The following TECPR1 variants were observed in gnomAD, a reference collection of about 807,000 sequenced individuals.
TECPR1 encodes the protein tectonin beta-propeller repeat-containing protein 1.
In TECPR1, 122 loss-of-function variants were observed where a neutral mutation model predicts 162.4. The ratio of observed to expected loss-of-function variants is 0.75; its 90% confidence interval spans 0.65 to 0.87. The LOEUF (loss-of-function observed/expected upper bound fraction) is 0.87. Ranked by LOEUF, TECPR1 falls within the 40% of genes least tolerant of loss-of-function variation. The pLI, the probability that TECPR1 is intolerant of heterozygous loss-of-function variation, is 0.00. For missense variants in TECPR1, 1,432 were observed against 1,618.2 expected (o/e 0.88, Z 1.97); for synonymous variants, 642 against 670.6 (o/e 0.96, Z 0.66).
chr7:98,245,919 T>C lies in TECPR1; in HGVS notation c.225+3A>G, dbSNP rs748069436. The C allele has an allele frequency of 6.3e-7, 1 of 1,592,336 alleles. No homozygotes were observed. The highest frequency in any genetic ancestry group is 1.1e-5 in the South Asian group (1 of 87,536). On this transcript the variant is annotated splice_donor_region_variant and intron_variant, in intron 3 of 25. Coordinates refer to ENST00000447648, the MANE Select transcript of TECPR1 (RefSeq NM_015395.3). ...CGGCAACTCCAACCATGAGGGTCAC[T>C]ACCTGATTCTCATAGGCCTCCTCTC...
At chr7:98,240,630 G>A (rs1798719132) in intron 8 of TECPR1, among the ~76,000 whole-genome samples, 1 of 152,080 alleles carries the variant, frequency 6.6e-6, no homozygotes, top group Non-Finnish European at 1.5e-5. Context: ...GGCCAGGCTG[G>A]TCTTGAACTC....
chr7:98,233,748 C>A lies in TECPR1; in HGVS notation c.1345G>T (p.Gly449Trp). The A allele has an allele frequency of 1.9e-6, 3 of 1,612,754 alleles. No individual in the cohort carries two copies. The highest frequency in any genetic ancestry group is 2.5e-6 in the Non-Finnish European group (3 of 1,179,826). The change falls in exon 11 of 26, where the codon GGG becomes TGG. Residue 449 changes from glycine (G) to tryptophan (W), a missense_variant. Coordinates refer to ENST00000447648, the MANE Select transcript of TECPR1 (RefSeq NM_015395.3). ...GTATCTTCTGCGGTCCTGCCAGCCC[C>A]CAGGCCTGAGGCTGAGTTCCCTGTG... ...NATGNSASGL[G>W]AGRTAEDTVE...
chr7:98,228,784 G>A, intron 16 of TECPR1: 1 of 444,270 alleles, frequency 2.3e-6, no homozygotes, highest in East Asian at 3.5e-5. Context: ...CTAACACCCT[G>A]AAAATGAGAG....
Position 98,228,084 on chromosome 7 carries a change from G to C in TECPR1, c.2443C>G (p.Gln815Glu). The C allele has an allele frequency of 6.2e-7, 1 of 1,612,674 alleles. No individual in the cohort carries two copies. The stretch of plus-strand genomic sequence containing the variant: ...ATGTGAACACACTTCACGTCTGACT[G>C]CGTGTAGATGTTACTGGTGCTGCTG... ...LASSTSNIYTQSDVKCVHIYE... is the reference protein window; with the variant it reads ...LASSTSNIYTESDVKCVHIYE... Residue 815 changes from glutamine to glutamate, a missense_variant, in exon 17 of 26, where the codon CAG becomes GAG. Gln to Glu is a conservative substitution (Grantham distance 29, BLOSUM62 2). Transcript: ENST00000447648.
At chr7:98,251,813 C>T (rs1235686873) in intron 1 of TECPR1, 1 of 152,288 alleles carries the variant, frequency 6.6e-6, no homozygotes, top group African/African-American at 2.4e-5. Context: ...TAGGCAGGCC[C>T]CTTGCTGCGT....
intron 17 of TECPR1, chr7:98,226,555 G>A: frequency 1.9e-6 from 2 of 1,041,560 alleles, no homozygotes; most frequent in African/African-American, 3.4e-5. Context: ...TGCAGTTGCT[G>A]TCTTTGGCTG....
Position 98,222,191 on chromosome 7 carries a change from A to G in TECPR1, c.3064+195T>C, listed in dbSNP as rs528638123. Among the ~76,000 whole-genome samples the G allele has an allele frequency of 5.0e-4, 76 of 152,260 alleles. 1 individual carries two copies. The highest frequency in any genetic ancestry group is 1.8e-3 in the African/African-American group (73 of 41,564). On this transcript the variant is annotated intron_variant, in intron 22 of 25. Transcript: ENST00000447648. ...CCGAGACACAGGGGCCACCCCAGGAAGGGCCAGGCAGGCCTGGCTCCAGCT... is the reference window on the plus strand; with the variant it reads ...CCGAGACACAGGGGCCACCCCAGGAGGGGCCAGGCAGGCCTGGCTCCAGCT...
rs1798326396 is a variant in TECPR1, at chr7:98,228,137, T to TCA, written c.2411-22_2411-21insTG. 3 of 1,583,410 alleles carry TCA rather than the reference T, an allele frequency of 1.9e-6. No individual in the cohort carries two copies. In the African/African-American group the frequency reaches 4.0e-5, roughly 21 times the overall value. On this transcript the variant is annotated intron_variant, in intron 16 of 25. Coordinates refer to ENST00000447648, the MANE Select transcript of TECPR1 (RefSeq NM_015395.3). ...CAGGCCTGTGGGGAGAGGTGGCTGC[T>TCA]GGGACCGAGGCCACATACGCTCCGC...
intron 10 of TECPR1, 24 bp downstream of exon 10, chr7:98,236,752 G>A (rs1359681399): frequency 6.3e-7 from 1 of 1,588,276 alleles, no homozygotes; most frequent in Non-Finnish European, 8.5e-7. Context: ...CCTGACTCCT[G>A]CGCACCCTGC....
chr7:98,240,739 G>T, intron 8 of TECPR1, 112 bp downstream of exon 8: 1 of 888,614 alleles, frequency 1.1e-6, no homozygotes, highest in Non-Finnish European at 1.7e-6. Context: ...TTTTTAATTT[G>T]AGACAGGGTC....
intron 23 of TECPR1, among the ~76,000 whole-genome samples, chr7:98,218,639 C>T (rs1798074549): frequency 6.6e-6 from 1 of 152,086 alleles, no homozygotes; most frequent in South Asian, 2.1e-4. Context: ...ACATAAAATA[C>T]CTGGGAATGT....
chr7:98,229,225 T>C, intron 15 of TECPR1, 59 bp from the exon 16 acceptor site: 1 of 1,525,128 alleles, frequency 6.6e-7, no homozygotes, highest in Non-Finnish European at 8.9e-7. Context: ...CAACCCTGCC[T>C]GGCTGCCCTT....
At chr7:98,224,944 G>A in intron 18 of TECPR1, 62 bp downstream of exon 18, 2 of 1,540,386 alleles carry the variant, frequency 1.3e-6, no homozygotes, top group African/African-American at 1.4e-5. Context: ...GAACACTCGA[G>A]GAGGGGCAAG....
chr7:98,238,594 C>T lies in TECPR1; in HGVS notation c.950G>A (p.Gly317Asp), dbSNP rs767287771. 6.4e-7 allele frequency: 1 copy of T among 1,568,086 alleles called. No homozygotes were observed. Among genetic ancestry groups the T allele is most frequent in the Non-Finnish European group, 8.6e-7 (1 of 1,156,476 alleles). The change falls in exon 9 of 26, where the codon GGC becomes GAC. Residue 317 changes from glycine (G) to aspartate (D), a missense_variant. By Grantham distance (94) the Gly-to-Asp change is moderately conservative. Coordinates refer to ENST00000447648, the MANE Select transcript of TECPR1 (RefSeq NM_015395.3). Reference sequence around the variant, plus strand: ...GCCGCAGGGATTGTGAGAGTTGACGCCTCTTCGGAACCACACCTGGGGGAG... The same window carrying T: ...GCCGCAGGGATTGTGAGAGTTGACGTCTCTTCGGAACCACACCTGGGGGAG... ...TKDWKVWFRR[G>D]VNSHNPCGTS...
In TECPR1 at chr7:98,231,839, G is replaced by A; in HGVS notation, c.1939C>T (p.Leu647Phe). 1 of 1,612,982 alleles carries A rather than the reference G, an allele frequency of 6.2e-7. No individual in the cohort carries two copies. The highest frequency in any genetic ancestry group is 8.5e-7 in the Non-Finnish European group (1 of 1,179,762). ...TCGTGGACCACATAGTAGATGAAGA[G>A]GATGCTGTCCCGGACGCCGTCGTGC... is the stretch of plus-strand genomic sequence containing the variant. ...TGHDGVRDSI[L>F]FIYYVVHEEK... Residue 647 changes from leucine (L) to phenylalanine (F), a missense_variant, in exon 13 of 26, where the codon CTC (leucine) becomes TTC (phenylalanine). Transcript: ENST00000447648.
chr7:98,245,935 G>A lies in TECPR1; in HGVS notation c.212C>T (p.Ala71Val). 3 of 1,600,146 alleles carry A rather than the reference G, an allele frequency of 1.9e-6. No individual in the cohort carries two copies. Among genetic ancestry groups the A allele is most frequent in the Non-Finnish European group, 2.6e-6 (3 of 1,174,082 alleles). The part of the protein sequence containing the change: ...SDVPIRRREE[A>V]YENQRWNPMG... ...GAGGGTCACTACCTGATTCTCATAG[G>A]CCTCCTCTCGGCGGCGGATGGGGAC... The change falls in exon 3 of 26, where the codon GCC becomes GTC. Residue 71 changes from alanine to valine, a missense_variant. Physicochemically the swap from Ala to Val is moderately conservative, Grantham distance 64. Coordinates refer to ENST00000447648, the MANE Select transcript of TECPR1 (RefSeq NM_015395.3).
At chr7:98,219,823 C>G (rs934479861) in intron 23 of TECPR1, among the ~76,000 whole-genome samples, 1 of 151,870 alleles carries the variant, frequency 6.6e-6, no homozygotes, top group African/African-American at 2.4e-5. Flanking sequence ...ATCGCTTGAA[C>G]CTGGGAGGCA....
At chr7:98,228,887 G>A (rs118118548) in intron 16 of TECPR1, 152 bp downstream of exon 16, 27,882 of 1,144,904 alleles carry the variant, frequency 0.024, 450 homozygotes, top group Non-Finnish European at 0.029. Context: ...ATCCTGGGTG[G>A]AGGCTGGCAG....
rs1798237334 is a variant in TECPR1, at chr7:98,224,868, A to G, written c.2623T>C (p.Phe875Leu). ...CCCCCCGGAACGCTGAAATCCACGA[A>G]CCAGTCGGAAACCTGGGAGGAGTGG... ...SLQWAWVSDW[F>L]VDFSVPGGTD... The change falls in exon 19 of 26, where the codon TTC (phenylalanine) becomes CTC (leucine). Residue 875 changes from phenylalanine (F) to leucine (L), a missense_variant. Physicochemically the swap from Phe to Leu is conservative, Grantham distance 22. Coordinates refer to ENST00000447648, the MANE Select transcript of TECPR1 (RefSeq NM_015395.3). 1 of 1,563,998 alleles carries G rather than the reference A, an allele frequency of 6.4e-7. No homozygotes were observed. The highest frequency in any genetic ancestry group is 8.7e-7 in the Non-Finnish European group (1 of 1,154,636).
Sources: allele counts gnomAD v4.1 joint callset (sites outside exome capture counted in the v4.1 genomes callset), GRCh38; gene constraint gnomAD v4.1.1; transcripts MANE v1.5; gene names NCBI Gene and HGNC (gene_info 2026-07-23, HGNC 2026-07-21).